SLC25A21: variants seen among roughly 807,000 people sequenced by gnomAD.
SLC25A21 encodes the protein mitochondrial 2-oxodicarboxylate carrier.
In SLC25A21, 47 loss-of-function variants were observed where a neutral mutation model predicts 43.8. The observed-to-expected ratio is 1.07, with a 90% confidence interval of 0.85 to 1.37. The LOEUF (loss-of-function observed/expected upper bound fraction) is 1.37. Ranked by LOEUF, SLC25A21 falls within the 40% of genes most tolerant of loss-of-function variation. The probability of loss-of-function intolerance (pLI) is 0.00; values close to 1 mark genes in which losing one functional copy is unlikely to be tolerated. For missense variants in SLC25A21, 352 were observed against 350.2 expected (o/e 1.00, Z -0.04); for synonymous variants, 131 against 121.3 (o/e 1.08, Z -0.52).
At chr14:37,018,938 A>G (rs1211985683) in intron 1 of SLC25A21, among the ~76,000 whole-genome samples, 1 of 151,986 alleles carries the variant, frequency 6.6e-6, no homozygotes, top group African/African-American at 2.4e-5. Context: ...ATTAGAAAAT[A>G]CTCTGAATAT....
intron 4 of SLC25A21, among the ~76,000 whole-genome samples, chr14:36,732,346 G>T (rs774681168): frequency 1.5e-4 from 23 of 152,040 alleles, no homozygotes; most frequent in Non-Finnish European, 3.1e-4. Flanking sequence ...AACTGCACAT[G>T]GGAAAACTGG....
chr14:36,680,156 T>A lies in SLC25A21; in HGVS notation c.*502A>T, dbSNP rs1038943416. On this transcript the variant is annotated 3_prime_UTR_variant, in exon 10 of 10. Coordinates refer to ENST00000331299, the MANE Select transcript of SLC25A21 (RefSeq NM_030631.4). ...GGTCATTTTAGTGCACTTTAAAAAA[T>A]TTTTCTTGTGCTCTTTAAATATTAT... The A allele has an allele frequency of 7.6e-5, 64 of 846,910 alleles. No homozygotes were observed. Among genetic ancestry groups the A allele is most frequent in the Non-Finnish European group, 8.5e-5 (60 of 704,586 alleles). The allele number at this position is 846,910 out of a possible 1,614,324, so 52.5% of individuals were successfully genotyped here.
In SLC25A21 at chr14:36,684,756, T is replaced by TA; in HGVS notation, c.772dup (p.Tyr258LeufsTer32). The TA allele has an allele frequency of 6.2e-7, 1 of 1,606,880 alleles. No homozygotes were observed. The highest frequency in any genetic ancestry group is 8.5e-7 in the Non-Finnish European group (1 of 1,177,324). ...TGTGTTATGTTACCCTTCTTCCTGA[T>TA]AGACTGTTGCCATTGTTTTAAAACA... On this transcript the variant is annotated frameshift_variant, in exon 8 of 10. Coordinates refer to ENST00000331299, the MANE Select transcript of SLC25A21 (RefSeq NM_030631.4). LOFTEE classifies it high-confidence loss of function.
chr14:37,003,682 C>A (rs1960538243), intron 1 of SLC25A21, among the ~76,000 whole-genome samples: 1 of 152,052 alleles, frequency 6.6e-6, no homozygotes, highest in South Asian at 2.1e-4. Flanking sequence ...CAAAGATGCA[C>A]CTAAACAAAG....
intron 1 of SLC25A21, among the ~76,000 whole-genome samples, chr14:37,116,171 AT>A (rs1316542198): frequency 6.6e-5 from 10 of 152,164 alleles, no homozygotes; most frequent in African/African-American, 2.4e-4. Flanking sequence ...AAGCGAATAC[AT>A]GTTATATGTA....
chr14:36,796,295 A>G (rs950375564), intron 3 of SLC25A21, among the ~76,000 whole-genome samples: 5 of 152,194 alleles, frequency 3.3e-5, no homozygotes, highest in Non-Finnish European at 5.9e-5. Context: ...AGTTAAATCT[A>G]TTGAGGAATA....
intron 2 of SLC25A21, among the ~76,000 whole-genome samples, chr14:36,832,525 T>C (rs1889074217): frequency 6.6e-6 from 1 of 152,178 alleles, no homozygotes; most frequent in African/African-American, 2.4e-5. Context: ...TTTCAAGAGT[T>C]AGAACAATTT....
intron 1 of SLC25A21, among the ~76,000 whole-genome samples, chr14:36,990,538 G>A (rs1960240061): frequency 6.6e-6 from 1 of 152,080 alleles, no homozygotes; most frequent in African/African-American, 2.4e-5. Context: ...AACCTTCACT[G>A]CCATGGCTAC....
intron 1 of SLC25A21, among the ~76,000 whole-genome samples, chr14:36,875,306 A>G (rs1890488108): frequency 6.6e-6 from 1 of 152,160 alleles, no homozygotes; most frequent in Non-Finnish European, 1.5e-5. Flanking sequence ...GGTGGGAGTT[A>G]TGGCTTCCCA....
chr14:36,695,343 G>A (rs970400693), intron 7 of SLC25A21, among the ~76,000 whole-genome samples: 5 of 152,126 alleles, frequency 3.3e-5, no homozygotes, highest in African/African-American at 9.7e-5. Context: ...GTCAGGTAGC[G>A]TGATGTCTCC....
intron 2 of SLC25A21, among the ~76,000 whole-genome samples, chr14:36,873,834 A>G (rs1890443532): frequency 6.6e-6 from 1 of 152,178 alleles, no homozygotes; most frequent in African/African-American, 2.4e-5. Context: ...CTGTCATGTA[A>G]GTATACAGCA....
intron 1 of SLC25A21, among the ~76,000 whole-genome samples, chr14:37,158,196 A>G (rs538859913): frequency 6.6e-6 from 1 of 152,308 alleles, no homozygotes; most frequent in African/African-American, 2.4e-5. Flanking sequence ...CTATTGCAAA[A>G]AACTGAAGAG....
chr14:36,724,214 T>TA (rs1032457724), intron 6 of SLC25A21, among the ~76,000 whole-genome samples: 4 of 152,142 alleles, frequency 2.6e-5, no homozygotes, highest in Admixed American at 2.0e-4. Flanking sequence ...TTTTGAAATG[T>TA]AAAAAAAATT....
intron 3 of SLC25A21, among the ~76,000 whole-genome samples, chr14:36,802,326 G>A (rs1328485035): frequency 6.6e-6 from 1 of 152,002 alleles, no homozygotes; most frequent in Non-Finnish European, 1.5e-5. Flanking sequence ...TACACTATAG[G>A]AGCCCCAAAT....
At chr14:36,899,620 C>A (rs2138595706) in intron 1 of SLC25A21, among the ~76,000 whole-genome samples, 1 of 152,260 alleles carries the variant, frequency 6.6e-6, no homozygotes, top group Middle Eastern at 3.4e-3. Context: ...ACATCAGTAA[C>A]TGAAAACTGA....
chr14:36,806,780 T>C (rs559015039), intron 3 of SLC25A21: 3 of 151,056 alleles, frequency 2.0e-5, no homozygotes, highest in Non-Finnish European at 2.9e-5. Context: ...ACTTATTCTA[T>C]TACTTTTTTC....
chr14:37,089,470 G>A (rs1381646751), intron 1 of SLC25A21, among the ~76,000 whole-genome samples: 1 of 152,056 alleles, frequency 6.6e-6, no homozygotes, highest in Non-Finnish European at 1.5e-5. Context: ...TATTCCACTG[G>A]TATGTTATTA....
intron 7 of SLC25A21, among the ~76,000 whole-genome samples, chr14:36,687,299 A>G (rs1302117490): frequency 6.6e-6 from 1 of 151,998 alleles, no homozygotes; most frequent in Non-Finnish European, 1.5e-5. Flanking sequence ...AAGATCCCAC[A>G]GTGGTTCTCC....
chr14:36,861,629 C>G (rs1890067710), intron 2 of SLC25A21, among the ~76,000 whole-genome samples: 1 of 152,196 alleles, frequency 6.6e-6, no homozygotes, highest in Non-Finnish European at 1.5e-5. Context: ...AAGGAGCAAA[C>G]ACTCTGGATA....
Sources: gnomAD v4.1 joint callset for allele counts (sites outside exome capture counted in the v4.1 genomes callset) on GRCh38, gnomAD v4.1.1 for gene constraint, MANE v1.5 for transcripts, NCBI Gene and HGNC (gene_info 2026-07-23, HGNC 2026-07-21) for gene names.